TNFSF18: variants seen among roughly 807,000 people sequenced by gnomAD.
TNFSF18 encodes TNF superfamily member 18.
In TNFSF18, 6 loss-of-function variants were observed where a neutral mutation model predicts 9.6. That is an observed-to-expected ratio of 0.63 (90% CI 0.34 to 1.24). The LOEUF (loss-of-function observed/expected upper bound fraction) is 1.24. TNFSF18 is among the 50% of genes most tolerant of loss of function. The probability of loss-of-function intolerance (pLI) is 0.03; values close to 1 mark genes in which losing one functional copy is unlikely to be tolerated. For missense variants in TNFSF18, 210 were observed against 201.0 expected (o/e 1.04, Z -0.27); for synonymous variants, 68 against 71.7 (o/e 0.95, Z 0.26).
intron 2 of TNFSF18, among the ~76,000 whole-genome samples, chr1:173,043,040 T>C (rs926160229): frequency 1.3e-5 from 2 of 152,148 alleles, no homozygotes; most frequent in African/African-American, 2.4e-5. Context: ...GGTTCTCCCA[T>C]TTAATTCTGT....
intron 1 of TNFSF18, among the ~76,000 whole-genome samples, chr1:173,048,652 C>A (rs1433441501): frequency 6.6e-6 from 1 of 152,138 alleles, no homozygotes. Flanking sequence ...CCAAGCTTCC[C>A]ATCTAACACT....
chr1:173,043,357 A>C lies in TNFSF18; in HGVS notation c.187+582T>G, dbSNP rs142171435. On this transcript the variant is annotated intron_variant, in intron 2 of 2. Transcript: ENST00000404377. ...CTTTAAAAAAAATGTATTTATCTGA[A>C]ATTTTCCATGTATTCTAAGAATCTA... Among the ~76,000 whole-genome samples the C allele has an allele frequency of 4.4e-3, 676 of 152,224 alleles. 5 individuals carry two copies. The highest frequency in any genetic ancestry group is 0.015 in the African/African-American group (640 of 41,546).
At chr1:173,047,195 C>T (rs1665100041) in intron 1 of TNFSF18, among the ~76,000 whole-genome samples, 1 of 152,110 alleles carries the variant, frequency 6.6e-6, no homozygotes, top group Non-Finnish European at 1.5e-5. Flanking sequence ...TGTGCCTGGC[C>T]TCTTGCAATT....
chr1:173,041,823 T>TATCTCCGA, intron 2 of TNFSF18, 110 bp from the exon 3 acceptor site: 2 of 835,040 alleles, frequency 2.4e-6, no homozygotes, highest in Non-Finnish European at 3.4e-6. Context: ...TTTCTTTACC[T>TATCTCCGA]GATCTACACT....
At chr1:173,043,473 A>G (rs764265679) in intron 2 of TNFSF18, among the ~76,000 whole-genome samples, 4 of 152,180 alleles carry the variant, frequency 2.6e-5, no homozygotes, top group Non-Finnish European at 5.9e-5. Context: ...CTTAGAAGAG[A>G]AAATAGTAGA....
Position 173,041,280 on chromosome 1 carries a change from C to T in TNFSF18, c.*87G>A. ...GTGTTGATTTTTGTAGACAGACAAA[C>T]TCTAGAAATTGAATATCTTCTCCCT... On this transcript the variant is annotated 3_prime_UTR_variant, in exon 3 of 3. Coordinates refer to ENST00000404377, the MANE Select transcript of TNFSF18 (RefSeq NM_005092.4). 8 of 1,113,948 alleles carry T rather than the reference C, an allele frequency of 7.2e-6. No homozygotes were observed. Among genetic ancestry groups the T allele is most frequent in the South Asian group, 1.6e-5 (1 of 62,138 alleles). The allele number at this position is 1,113,948 out of a possible 1,614,324, so 69.0% of individuals were successfully genotyped here. A position where few individuals can be genotyped will look rare whatever the true frequency, so the allele number is the denominator to read the frequency against.
At chr1:173,045,685 A>G (rs1665070554) in intron 1 of TNFSF18, among the ~76,000 whole-genome samples, 1 of 152,044 alleles carries the variant, frequency 6.6e-6, no homozygotes, top group African/African-American at 2.4e-5. Flanking sequence ...GAGAGAAATG[A>G]CAACACGTTT....
chr1:173,041,308 A>G lies in TNFSF18; in HGVS notation c.*59T>C. On this transcript the variant is annotated 3_prime_UTR_variant, in exon 3 of 3. Coordinates refer to ENST00000404377, the MANE Select transcript of TNFSF18 (RefSeq NM_005092.4). ...TAGAAATTGAATATCTTCTCCCTCC[A>G]ATCCACCCACTGGCACCTCTACATG... 1 of 1,352,814 alleles carries G rather than the reference A, an allele frequency of 7.4e-7. No individual in the cohort carries two copies. Among genetic ancestry groups the G allele is most frequent in the Non-Finnish European group, 1.0e-6 (1 of 984,530 alleles). 83.8% of individuals were successfully genotyped at this position (1,352,814 alleles called of 1,614,324 possible).
At chr1:173,044,061 C>T in intron 1 of TNFSF18, 92 bp from the exon 2 acceptor site, 2 of 1,163,138 alleles carry the variant, frequency 1.7e-6, no homozygotes, top group South Asian at 1.2e-5. Context: ...ATTCCTGAAG[C>T]AAACTAGTGT....
rs1427006562 is a variant in TNFSF18 at position 173,039,337 on chromosome 1, C to T, written c.*2030G>A. On this transcript the variant is annotated 3_prime_UTR_variant, in exon 3 of 3. Transcript: ENST00000404377. ...GTAAAGGTCACCTGTTGGTAGTCAT[C>T]CCTCTAGCTGCAGCTGTAGTAACCT... Among the ~76,000 whole-genome samples, 11 of 152,146 alleles carry T rather than the reference C, an allele frequency of 7.2e-5. No individual in the cohort carries two copies. The highest frequency in any genetic ancestry group is 2.7e-4 in the African/African-American group (11 of 41,430).
intron 1 of TNFSF18, among the ~76,000 whole-genome samples, chr1:173,044,263 C>CT (rs772978875): frequency 1.3e-5 from 2 of 151,790 alleles, no homozygotes. Flanking sequence ...GGACCCCCCC[C>CT]CCAACCTTGG....
intron 1 of TNFSF18, among the ~76,000 whole-genome samples, chr1:173,049,480 G>A (rs1301846099): frequency 1.3e-5 from 2 of 152,072 alleles, no homozygotes; most frequent in Admixed American, 6.6e-5. Flanking sequence ...GAGAGAGCAG[G>A]GTTGTAATTA....
chr1:173,048,792 G>C (rs1665122296), intron 1 of TNFSF18, among the ~76,000 whole-genome samples: 1 of 152,166 alleles, frequency 6.6e-6, no homozygotes, highest in Non-Finnish European at 1.5e-5. Flanking sequence ...CATGGGTATT[G>C]TGACAATGTG....
chr1:173,044,053 T>C, intron 1 of TNFSF18, 84 bp from the exon 2 acceptor site: 1 of 1,280,932 alleles, frequency 7.8e-7, no homozygotes, highest in East Asian at 2.3e-5. Context: ...AGCTTTGAAT[T>C]CCTGAAGCAA....
chr1:173,045,755 C>T (rs187503636), intron 1 of TNFSF18, among the ~76,000 whole-genome samples: 16 of 151,994 alleles, frequency 1.1e-4, no homozygotes, highest in Admixed American at 1.3e-4. Flanking sequence ...TATGTAAGAG[C>T]GAGGAGAGAA....
Position 173,041,587 on chromosome 1 carries a change from G to A in TNFSF18, c.314C>T (p.Ala105Val), listed in dbSNP as rs1440562213. 6.2e-7 allele frequency: 1 copy of A among 1,613,522 alleles called. No individual in the cohort carries two copies. Among genetic ancestry groups the A allele is most frequent in the Non-Finnish European group, 8.5e-7 (1 of 1,179,634 alleles). ...YLIYGQVAPN[A>V]NYNDVAPFEV... ...AAAAGGAGCTACATCATTGTAGTTT[G>A]CATTGGGAGCCACTTGGCCATAAAT... Residue 105 changes from alanine (A) to valine (V), a missense_variant, in exon 3 of 3, where the codon GCA becomes GTA. By Grantham distance (64) the Ala-to-Val change is moderately conservative. Coordinates refer to ENST00000404377, the MANE Select transcript of TNFSF18 (RefSeq NM_005092.4).
chr1:173,050,728 A>G lies in TNFSF18; in HGVS notation c.156+13T>C, dbSNP rs371920992. The stretch of plus-strand genomic sequence containing the variant: ...ATAGCAAATAGTAACCTTAGGTACA[A>G]TTGCCTCCTTACCTCTAATTGGAGA... On this transcript the variant is annotated intron_variant, in intron 1 of 2. Transcript: ENST00000404377. 5.8e-6 allele frequency: 9 copies of G among 1,554,128 alleles called. No individual in the cohort carries two copies. The African/African-American group carries it at 1.2e-4, about 21-fold the overall frequency.
chr1:173,046,218 A>G (rs1665080486), intron 1 of TNFSF18, among the ~76,000 whole-genome samples: 1 of 152,226 alleles, frequency 6.6e-6, no homozygotes, highest in Non-Finnish European at 1.5e-5. Context: ...GAGGTTTTCC[A>G]TAGTCGAGCT....
At chr1:173,043,916 G>T (rs764735358) in intron 2 of TNFSF18, 23 bp downstream of exon 2, 3 of 1,606,230 alleles carry the variant, frequency 1.9e-6, no homozygotes, top group Non-Finnish European at 2.6e-6. Context: ...AAAAGTAAAA[G>T]ACATGCAAGA....
Sources: gnomAD v4.1 joint callset for allele counts (sites outside exome capture counted in the v4.1 genomes callset) on GRCh38, gnomAD v4.1.1 for gene constraint, MANE v1.5 for transcripts, NCBI Gene and HGNC (gene_info 2026-07-23, HGNC 2026-07-21) for gene names.